The following CD99 variants were observed in gnomAD, a reference collection of about 807,000 sequenced individuals.
CD99 encodes CD99 antigen.
Under a neutral mutation model 28.4 loss-of-function variants are expected in CD99, and 19 were observed. The ratio of observed to expected loss-of-function variants is 0.67; its 90% CI spans 0.47 to 0.98. CD99 has a LOEUF of 0.98. Among genes scored for constraint, CD99 ranks in the 50% least tolerant of loss-of-function variants. The pLI is 0.00. For synonymous variants in CD99, 103 were observed against 92.1 expected (o/e 1.12, Z -0.67); for missense variants, 283 against 248.8 (o/e 1.14, Z -0.92).
chrX:2,699,325 A>G (rs1183770622), intron 1 of CD99, among the ~76,000 whole-genome samples: 2 of 151,634 alleles, frequency 1.3e-5, no homozygotes, highest in African/African-American at 4.9e-5. Flanking sequence ...ACGCACCACC[A>G]CGCCTGGCTA....
At chrX:2,691,905 G>A in intron 1 of CD99, 2 of 779,356 alleles carry the variant, frequency 2.6e-6, no homozygotes, top group Admixed American at 3.4e-5. Flanking sequence ...AGACCCGGGT[G>A]GTGGGGGGAA....
chrX:2,708,140 G>A (rs1386502167), intron 1 of CD99, among the ~76,000 whole-genome samples: 1 of 146,918 alleles, frequency 6.8e-6, no homozygotes, highest in African/African-American at 2.6e-5. Flanking sequence ...ACACCTGGGG[G>A]ACTGCCTCCC....
intron 1 of CD99, among the ~76,000 whole-genome samples, chrX:2,710,179 GTTT>G (rs1208853855): frequency 6.6e-6 from 1 of 150,476 alleles, no homozygotes; most frequent in African/African-American, 2.4e-5. Context: ...GAGAGTTCTA[GTTT>G]TACCACTGTG....
chrX:2,719,587 G>T (rs2048898812), intron 3 of CD99, 74 bp from the exon 4 acceptor site: 1 of 1,226,192 alleles, frequency 8.2e-7, no homozygotes, highest in Admixed American at 1.7e-5. Flanking sequence ...GTGTGTTTTT[G>T]ATCTGTTCAC....
intron 9 of CD99, among the ~76,000 whole-genome samples, chrX:2,739,380 G>A (rs1441490150): frequency 6.6e-6 from 1 of 152,174 alleles, no homozygotes; most frequent in Non-Finnish European, 1.5e-5. Context: ...TTGCCTGAGA[G>A]ATGCAGTGCT....
chrX:2,703,605 A>AGTGTGTGTGTGTGTGTGT (rs556444956), intron 1 of CD99, among the ~76,000 whole-genome samples: 63 of 138,402 alleles, frequency 4.6e-4, no homozygotes, highest in African/African-American at 1.2e-3. Flanking sequence ...CGAGCTGTTA[A>AGTGTGTGTGTGTGTGTGT]GTGTGTGTGT....
At position 2,716,352 on chromosome X, in the gene CD99, T is replaced by C. The variant is rs780234040; in HGVS notation, c.101-1253T>C. On this transcript the variant is annotated intron_variant, in intron 2 of 9. Coordinates refer to ENST00000381192, the MANE Select transcript of CD99 (RefSeq NM_002414.5). ...CTTTTTTATGTTTTACTTTTTTTTTTCTGAGACACTGTCTCGCTGTGTTGC... is the reference window on the plus strand; with the variant it reads ...CTTTTTTATGTTTTACTTTTTTTTTCCTGAGACACTGTCTCGCTGTGTTGC... Among the ~76,000 whole-genome samples the C allele has an allele frequency of 1.5e-4, 23 of 152,198 alleles. No individual in the cohort carries two copies. The East Asian group carries it at 4.4e-3, about 29-fold the overall frequency.
rs1186840327 is a variant in CD99 at position 2,723,374 on chromosome X, C to T, written c.361+10C>T. ...AAAGAAGGGGAAGAGGGTAGGTGCACCTGGCTTCTGTCTTCTTGTCTCTCC... is the reference window on the plus strand; with the variant it reads ...AAAGAAGGGGAAGAGGGTAGGTGCATCTGGCTTCTGTCTTCTTGTCTCTCC... On this transcript the variant is annotated intron_variant, in intron 7 of 9. Transcript: ENST00000381192. The T allele has an allele frequency of 6.2e-7, 1 of 1,613,832 alleles. No homozygotes were observed. The highest frequency in any genetic ancestry group is 8.5e-7 in the Non-Finnish European group (1 of 1,179,792).
intron 1 of CD99, among the ~76,000 whole-genome samples, chrX:2,698,737 T>C (rs2047694365): frequency 6.6e-6 from 1 of 152,154 alleles, no homozygotes; most frequent in African/African-American, 2.4e-5. Flanking sequence ...GTAACTGTGA[T>C]GCCCATCCCT....
At chrX:2,736,201 CAAAAAAAA>C (rs748847590) in intron 8 of CD99, among the ~76,000 whole-genome samples, 1 of 80,404 alleles carries the variant, frequency 1.2e-5, no homozygotes, top group Non-Finnish European at 2.7e-5. Flanking sequence ...GACTCTGTCT[CAAAAAAAA>C]AAAAAAAAGA....
At chrX:2,727,335 G>A (rs768970892) in intron 8 of CD99, 7 of 779,076 alleles carry the variant, frequency 9.0e-6, no homozygotes, top group African/African-American at 1.7e-5. Flanking sequence ...GGGATCCGCC[G>A]TGAAGCTGGG....
chrX:2,709,697 A>AATATAGACACACACATGCATGT (rs2048303167), intron 1 of CD99, among the ~76,000 whole-genome samples: 4 of 151,812 alleles, frequency 2.6e-5, no homozygotes, highest in Non-Finnish European at 5.9e-5. Flanking sequence ...CACATGCATG[A>AATATAGACACACACATGCATGT]ACATAGACAC....
At chrX:2,711,726 A>G (rs1383840657) in intron 1 of CD99, among the ~76,000 whole-genome samples, 1 of 152,136 alleles carries the variant, frequency 6.6e-6, no homozygotes, top group Non-Finnish European at 1.5e-5. Context: ...TTCACAATGG[A>G]ATGGTATTCA....
intron 8 of CD99, chrX:2,733,236 C>T: frequency 1.9e-6 from 2 of 1,047,530 alleles, no homozygotes; most frequent in Non-Finnish European, 2.9e-6. Context: ...CTTCCTTGCT[C>T]AGAGCAGCTC....
intron 8 of CD99, chrX:2,727,277 A>G (rs1409690118): frequency 3.9e-6 from 3 of 778,598 alleles, no homozygotes; most frequent in African/African-American, 1.7e-5. Flanking sequence ...CGTACTCACC[A>G]TTGCAATCCT....
chrX:2,718,066 C>T (rs909493485), intron 3 of CD99: 2 of 177,784 alleles, frequency 1.1e-5, no homozygotes, highest in African/African-American at 4.8e-5. Flanking sequence ...TCAGATGCCT[C>T]AGTAGCTGGG....
chrX:2,716,010 C>T (rs1269451147), intron 2 of CD99, among the ~76,000 whole-genome samples: 1 of 150,858 alleles, frequency 6.6e-6, no homozygotes, highest in Non-Finnish European at 1.5e-5. Context: ...CAGGACAGCC[C>T]TCTTCATTTT....
chrX:2,716,053 C>G (rs1456811909), intron 2 of CD99, among the ~76,000 whole-genome samples: 5 of 147,886 alleles, frequency 3.4e-5, no homozygotes. Flanking sequence ...GAGTCTCTCT[C>G]TGTCACCCAG....
At chrX:2,702,781 T>C (rs189892474) in intron 1 of CD99, among the ~76,000 whole-genome samples, 8,385 of 145,360 alleles carry the variant, frequency 0.058, 320 homozygotes, top group East Asian at 0.17. Flanking sequence ...AAAATTGAAC[T>C]TTTTTTTTTT....
Sources: allele counts gnomAD v4.1 joint callset (sites outside exome capture counted in the v4.1 genomes callset), GRCh38; gene constraint gnomAD v4.1.1; transcripts MANE v1.5; gene names NCBI Gene and HGNC (gene_info 2026-07-23, HGNC 2026-07-21).